The following PPP2R5A variants were observed in gnomAD, a reference collection of about 807,000 sequenced individuals.
PPP2R5A encodes serine/threonine-protein phosphatase 2A 56 kDa regulatory subunit alpha isoform.
In PPP2R5A, 25 loss-of-function variants were observed where a neutral mutation model predicts 64.2. The ratio of observed to expected loss-of-function variants is 0.39; its 90% CI spans 0.28 to 0.54. The LOEUF (loss-of-function observed/expected upper bound fraction) is 0.54. Among genes scored for constraint, PPP2R5A ranks in the 20% least tolerant of loss-of-function variants. PPP2R5A has a pLI of 0.67. For synonymous variants in PPP2R5A, 198 were observed against 201.2 expected (o/e 0.98, Z 0.13); for missense variants, 425 against 576.3 (o/e 0.74, Z 2.69).
intron 1 of PPP2R5A, among the ~76,000 whole-genome samples, chr1:212,317,947 CA>C (rs1038313923): frequency 3.1e-4 from 43 of 136,598 alleles, no homozygotes; most frequent in South Asian, 4.6e-4. Flanking sequence ...GACTCAATCT[CA>C]AAAAAAAAAT....
chr1:212,340,863 G>A (rs1164496374), intron 3 of PPP2R5A, among the ~76,000 whole-genome samples: 7 of 152,126 alleles, frequency 4.6e-5, no homozygotes. Flanking sequence ...ATCTGGTAGT[G>A]CTTTTGTTTG....
At chr1:212,327,393 T>C (rs1478135631) in intron 1 of PPP2R5A, among the ~76,000 whole-genome samples, 1 of 152,168 alleles carries the variant, frequency 6.6e-6, no homozygotes, top group African/African-American at 2.4e-5. Context: ...TCCATATTTT[T>C]GTAATAAGTA....
At chr1:212,287,724 G>A (rs1558136228) in intron 1 of PPP2R5A, among the ~76,000 whole-genome samples, 2 of 152,290 alleles carry the variant, frequency 1.3e-5, no homozygotes, top group Non-Finnish European at 2.9e-5. Flanking sequence ...CTTGAATGAT[G>A]TCATAGCTAT....
intron 12 of PPP2R5A, among the ~76,000 whole-genome samples, chr1:212,359,048 A>G (rs781071433): frequency 2.0e-5 from 3 of 152,254 alleles, no homozygotes; most frequent in Non-Finnish European, 4.4e-5. Context: ...TACTTCCTCT[A>G]AATGGTTAGA....
At chr1:212,320,556 CG>C (rs1659254021) in intron 1 of PPP2R5A, among the ~76,000 whole-genome samples, 9 of 148,614 alleles carry the variant, frequency 6.1e-5, no homozygotes, top group Admixed American at 4.0e-4. Flanking sequence ...CCAGACGGGG[CG>C]GCTGTCCGGG....
In PPP2R5A at chr1:212,357,016, G is replaced by A. The variant is rs1384652302; in HGVS notation, c.1045G>A (p.Glu349Lys). ...TGAACCAACACAGTTCAAAAAAATT[G>A]AAGAGCCACTTTTCAAGCAGATATC... is the stretch of plus-strand genomic sequence containing the variant. Reference protein sequence around the residue: ...VIEPTQFKKIEEPLFKQISKC... With the variant: ...VIEPTQFKKIKEPLFKQISKC... Residue 349 changes from glutamate to lysine, a missense_variant, in exon 10 of 13, where the codon GAA (glutamate) becomes AAA (lysine). Coordinates refer to ENST00000261461, the MANE Select transcript of PPP2R5A (RefSeq NM_006243.4). The A allele has an allele frequency of 4.3e-6, 7 of 1,611,826 alleles. No individual in the cohort carries two copies. The highest frequency in any genetic ancestry group is 5.1e-6 in the Non-Finnish European group (6 of 1,179,038).
chr1:212,338,479 G>A (rs72754304), intron 3 of PPP2R5A, among the ~76,000 whole-genome samples: 1 of 152,112 alleles, frequency 6.6e-6, no homozygotes, highest in Non-Finnish European at 1.5e-5. Context: ...GCTGGGCGCA[G>A]TGGCTCACGC....
intron 5 of PPP2R5A, 146 bp from the exon 6 acceptor site, chr1:212,347,201 T>C (rs912102256): frequency 8.4e-6 from 5 of 597,988 alleles, no homozygotes; most frequent in Admixed American, 3.5e-5. Flanking sequence ...ATTAACTGTT[T>C]GGGGCAAAAC....
At chr1:212,339,298 C>T (rs1432150204) in intron 3 of PPP2R5A, among the ~76,000 whole-genome samples, 1 of 152,176 alleles carries the variant, frequency 6.6e-6, no homozygotes, top group Non-Finnish European at 1.5e-5. Flanking sequence ...CTGCCTCAGC[C>T]TCCCAAGTAG....
chr1:212,294,124 T>C (rs351394), intron 1 of PPP2R5A, among the ~76,000 whole-genome samples: 7,568 of 152,304 alleles, frequency 0.05, 332 homozygotes, highest in African/African-American at 0.12. Flanking sequence ...ATATTTTTTT[T>C]CAGCAGAACG....
chr1:212,293,277 G>A (rs1461344426), intron 1 of PPP2R5A, among the ~76,000 whole-genome samples: 1 of 152,210 alleles, frequency 6.6e-6, no homozygotes, highest in Non-Finnish European at 1.5e-5. Context: ...TAAGATTTGT[G>A]AGGAAAAGTA....
At chr1:212,327,434 G>A (rs1659424959) in intron 1 of PPP2R5A, among the ~76,000 whole-genome samples, 1 of 152,156 alleles carries the variant, frequency 6.6e-6, no homozygotes. Context: ...TTTAAATCGA[G>A]ACTTGAGTCT....
intron 8 of PPP2R5A, among the ~76,000 whole-genome samples, chr1:212,356,320 A>G (rs1361455575): frequency 6.6e-6 from 1 of 152,118 alleles, no homozygotes; most frequent in East Asian, 1.9e-4. Flanking sequence ...TATGTGTTTA[A>G]TTGATCACTT....
intron 2 of PPP2R5A, among the ~76,000 whole-genome samples, chr1:212,330,403 G>C (rs1295605379): frequency 6.6e-6 from 1 of 151,894 alleles, no homozygotes; most frequent in African/African-American, 2.4e-5. Context: ...TATTAGCTAG[G>C]CATGGTGGCA....
At chr1:212,320,194 T>TG (rs1659244120) in intron 1 of PPP2R5A, among the ~76,000 whole-genome samples, 1 of 152,044 alleles carries the variant, frequency 6.6e-6, no homozygotes, top group Non-Finnish European at 1.5e-5. Context: ...AATCACATCT[T>TG]GCACCACCCT....
intron 1 of PPP2R5A, among the ~76,000 whole-genome samples, chr1:212,304,291 C>A (rs997300699): frequency 6.6e-6 from 1 of 152,074 alleles, no homozygotes; most frequent in African/African-American, 2.4e-5. Context: ...GGTGGCTCTC[C>A]TATAATGCCA....
intron 8 of PPP2R5A, among the ~76,000 whole-genome samples, chr1:212,350,730 CATA>C (rs1294935560): frequency 6.6e-6 from 1 of 151,798 alleles, no homozygotes; most frequent in Admixed American, 6.6e-5. Context: ...AAAGAAAACC[CATA>C]ATAACACATA....
chr1:212,342,083 T>G, intron 3 of PPP2R5A, 105 bp from the exon 4 acceptor site: 1 of 1,429,330 alleles, frequency 7.0e-7, no homozygotes, highest in East Asian at 2.4e-5. Flanking sequence ...ATCTGAAATC[T>G]CCCCACTAAG....
At chr1:212,357,401 T>TA in intron 11 of PPP2R5A, 117 bp downstream of exon 11, 1 of 948,434 alleles carries the variant, frequency 1.1e-6, no homozygotes, top group Non-Finnish European at 1.5e-6. Context: ...ACTCCAAGGT[T>TA]AACATCAGTT....
Sources: allele counts gnomAD v4.1 joint callset (sites outside exome capture counted in the v4.1 genomes callset), GRCh38; gene constraint gnomAD v4.1.1; transcripts MANE v1.5; gene names NCBI Gene and HGNC (gene_info 2026-07-23, HGNC 2026-07-21).